Variants in MCTP2 observed in about 807,000 individuals in gnomAD.
The protein encoded by MCTP2 is multiple C2 and transmembrane domain-containing protein 2.
A neutral mutation model predicts 111.6 loss-of-function variants in MCTP2; 132 were observed. That is an observed-to-expected ratio of 1.18 (90% confidence interval 1.03 to 1.37). MCTP2 has a LOEUF of 1.37. Among genes scored for constraint, MCTP2 ranks in the 40% most tolerant of loss-of-function variants. MCTP2 has a pLI of 0.00. For synonymous variants in MCTP2, 395 were observed against 387.7 expected, an observed-to-expected ratio of 1.02 and a Z score of -0.22; for missense variants, 1,183 against 1,067.9, an observed-to-expected ratio of 1.11 and a Z score of -1.50.
intron 1 of MCTP2, among the ~76,000 whole-genome samples, chr15:94,257,578 T>TTTTTTG (rs2072889379): frequency 6.0e-5 from 1 of 16,616 alleles, no homozygotes; most frequent in African/African-American, 2.2e-4. Flanking sequence ...TGTTTTTTTT[T>TTTTTTG]TTTTTTTTTT....
chr15:94,349,519 G>A (rs1391673378), intron 8 of MCTP2, among the ~76,000 whole-genome samples: 2 of 152,126 alleles, frequency 1.3e-5, no homozygotes, highest in Non-Finnish European at 2.9e-5. Context: ...CAGGTGGGTG[G>A]AGTGGGTTGG....
chr15:94,464,371 G>GTTGTTTATAACATCCTCTT (rs1567765568), intron 20 of MCTP2, among the ~76,000 whole-genome samples: 1 of 133,894 alleles, frequency 7.5e-6, no homozygotes, highest in Non-Finnish European at 1.6e-5. Flanking sequence ...TCTACTTGTT[G>GTTGTTTATAACATCCTCTT]ATTTAATGTT....
chr15:94,266,075 T>A (rs922357130), intron 1 of MCTP2, among the ~76,000 whole-genome samples: 1 of 49,976 alleles, frequency 2.0e-5, no homozygotes, highest in South Asian at 9.1e-4. Flanking sequence ...TGCATGCGTG[T>A]GCGCGCACAC....
intron 1 of MCTP2, among the ~76,000 whole-genome samples, chr15:94,234,184 G>GA (rs1223039057): frequency 6.6e-6 from 1 of 152,170 alleles, no homozygotes; most frequent in Non-Finnish European, 1.5e-5. Flanking sequence ...GGTGGGTGAT[G>GA]AAGGAGGAGA....
chr15:94,470,567 G>A, intron 21 of MCTP2, 125 bp downstream of exon 21: 2 of 770,538 alleles, frequency 2.6e-6, no homozygotes, highest in South Asian at 3.2e-5. Flanking sequence ...ATTAAGGAAA[G>A]CATTTGGGGA....
intron 17 of MCTP2, among the ~76,000 whole-genome samples, chr15:94,433,056 G>A (rs2083277544): frequency 6.6e-6 from 1 of 151,884 alleles, no homozygotes; most frequent in African/African-American, 2.4e-5. Flanking sequence ...TCCTTCTCGT[G>A]TTATACTTAA....
chr15:94,267,106 G>C (rs946865909), intron 1 of MCTP2, among the ~76,000 whole-genome samples: 1 of 152,186 alleles, frequency 6.6e-6, no homozygotes, highest in African/African-American at 2.4e-5. Context: ...ATCTATCCTT[G>C]TTAGGTAGAT....
At chr15:94,324,661 A>C (rs780962370) in intron 4 of MCTP2, among the ~76,000 whole-genome samples, 24 of 152,310 alleles carry the variant, frequency 1.6e-4, no homozygotes, top group Non-Finnish European at 2.4e-4. Flanking sequence ...AATGGAAAAA[A>C]ATGTGCTACA....
intron 17 of MCTP2, among the ~76,000 whole-genome samples, chr15:94,421,027 A>G (rs1358676544): frequency 6.6e-6 from 1 of 151,912 alleles, no homozygotes; most frequent in Admixed American, 6.6e-5. Flanking sequence ...GTCATCAGCC[A>G]TCAACATTGA....
intron 17 of MCTP2, among the ~76,000 whole-genome samples, chr15:94,406,966 A>G (rs894938547): frequency 2.0e-5 from 3 of 152,076 alleles, no homozygotes; most frequent in African/African-American, 7.2e-5. Flanking sequence ...TAATAGCTAT[A>G]AAAGAGATAG....
At chr15:94,308,062 T>C (rs955761936) in intron 2 of MCTP2, among the ~76,000 whole-genome samples, 2 of 152,216 alleles carry the variant, frequency 1.3e-5, no homozygotes, top group African/African-American at 4.8e-5. Flanking sequence ...ATAAATATTA[T>C]CAGACCACAT....
chr15:94,461,471 C>G (rs1001444343), intron 20 of MCTP2, among the ~76,000 whole-genome samples: 9 of 151,980 alleles, frequency 5.9e-5, no homozygotes, highest in African/African-American at 2.2e-4. Context: ...AAAAAGCAAA[C>G]AAAAAACCAA....
At chr15:94,427,338 A>G (rs1278256879) in intron 17 of MCTP2, among the ~76,000 whole-genome samples, 1 of 152,206 alleles carries the variant, frequency 6.6e-6, no homozygotes, top group African/African-American at 2.4e-5. Flanking sequence ...GACATACCTG[A>G]GACTCAGTAA....
chr15:94,434,759 C>T (rs1286774383), intron 17 of MCTP2, among the ~76,000 whole-genome samples: 3 of 152,184 alleles, frequency 2.0e-5, no homozygotes, highest in Admixed American at 6.5e-5. Flanking sequence ...TACTTTGCTA[C>T]AGCTTCATAA....
At chr15:94,379,505 G>C (rs756561520) in intron 12 of MCTP2, among the ~76,000 whole-genome samples, 29 of 151,896 alleles carry the variant, frequency 1.9e-4, no homozygotes, top group Non-Finnish European at 3.8e-4. Flanking sequence ...TGTTGGTCCA[G>C]AAGTGCTTTC....
At chr15:94,277,818 A>C (rs1456543740) in intron 1 of MCTP2, among the ~76,000 whole-genome samples, 1 of 152,182 alleles carries the variant, frequency 6.6e-6, no homozygotes, top group Non-Finnish European at 1.5e-5. Flanking sequence ...CTTAATTTAC[A>C]CTATAGATTT....
chr15:94,258,364 G>A (rs961003537), intron 1 of MCTP2, among the ~76,000 whole-genome samples: 1 of 152,086 alleles, frequency 6.6e-6, no homozygotes, highest in Non-Finnish European at 1.5e-5. Flanking sequence ...TCTCTCAAAG[G>A]ACATGCAAAT....
chr15:94,312,503 G>A (rs375002638), intron 2 of MCTP2, among the ~76,000 whole-genome samples: 1 of 152,174 alleles, frequency 6.6e-6, no homozygotes, highest in African/African-American at 2.4e-5. Context: ...GGCAGTGGTG[G>A]TACTTCCTCA....
intron 17 of MCTP2, among the ~76,000 whole-genome samples, chr15:94,415,063 C>T (rs1273672710): frequency 1.3e-5 from 2 of 151,996 alleles, no homozygotes; most frequent in Non-Finnish European, 2.9e-5. Flanking sequence ...TACAGTAACA[C>T]AGGAGTGACT....
Sources: gnomAD v4.1 joint callset for allele counts (sites outside exome capture counted in the v4.1 genomes callset) on GRCh38, gnomAD v4.1.1 for gene constraint, MANE v1.5 for transcripts, NCBI Gene and HGNC (gene_info 2026-07-23, HGNC 2026-07-21) for gene names.